The following SORL1 variants were observed in gnomAD, a reference collection of about 807,000 sequenced individuals.
SORL1 encodes the protein sortilin-related receptor.
Under a neutral mutation model 273.7 loss-of-function variants are expected in SORL1, and 127 were observed. The ratio of observed to expected loss-of-function variants is 0.46; its 90% CI spans 0.40 to 0.54. SORL1 has a LOEUF of 0.54. Among genes scored for constraint, SORL1 ranks in the 20% least tolerant of loss-of-function variants. SORL1 has a pLI of 0.00. For synonymous variants in SORL1, 1,031 were observed against 1,067.4 expected, an observed-to-expected ratio of 0.97 and a Z score of 0.66; for missense variants, 2,494 against 2,846.1, an observed-to-expected ratio of 0.88 and a Z score of 2.81.
chr11:121,463,550 A>G (rs149208646), intron 1 of SORL1, among the ~76,000 whole-genome samples: 2 of 152,282 alleles, frequency 1.3e-5, no homozygotes, highest in East Asian at 3.9e-4. Flanking sequence ...GCATATGTGT[A>G]TTTTTCTCTG....
intron 12 of SORL1, among the ~76,000 whole-genome samples, chr11:121,537,099 T>G (rs1862278162): frequency 6.6e-6 from 1 of 152,054 alleles, no homozygotes; most frequent in South Asian, 2.1e-4. Context: ...CAAAGCATGA[T>G]CAGTGGGGAA....
intron 40 of SORL1, chr11:121,614,437 ATT>A (rs1331230655): frequency 6.0e-6 from 1 of 165,700 alleles, no homozygotes; most frequent in Non-Finnish European, 1.3e-5. Context: ...AATGCACATT[ATT>A]TAATTATTAT....
Position 121,550,188 on chromosome 11 carries a change from A to G in SORL1, c.2180+100A>G. The stretch of plus-strand genomic sequence containing the variant: ...TGGATTGCTCTACACTCGAAATTCT[A>G]GAATTCCAAGTTAACAGCCTGCAAG... On this transcript the variant is annotated intron_variant, in intron 15 of 47. Transcript: ENST00000260197. This position sits in a 1 kb window ranked among gnomAD's most constrained non-coding sequence, Gnocchi z 5.3. 2 of 1,261,176 alleles carry G rather than the reference A, an allele frequency of 1.6e-6. No individual in the cohort carries two copies. The highest frequency in any genetic ancestry group is 2.2e-6 in the Non-Finnish European group (2 of 926,840). 78.1% of individuals were successfully genotyped at this position (1,261,176 alleles called of 1,614,324 possible). A position where few individuals can be genotyped will look rare whatever the true frequency, so the allele number is the denominator to read the frequency against.
intron 5 of SORL1, among the ~76,000 whole-genome samples, chr11:121,492,984 A>T (rs1861578167): frequency 6.7e-6 from 1 of 148,728 alleles, no homozygotes; most frequent in South Asian, 2.1e-4. Context: ...ATTTATTTTT[A>T]TTTTATATTT....
At chr11:121,518,127 C>T (rs1487113681) in intron 8 of SORL1, among the ~76,000 whole-genome samples, 1 of 152,140 alleles carries the variant, frequency 6.6e-6, no homozygotes, top group African/African-American at 2.4e-5. Context: ...ATGTCAGCCC[C>T]GTGGGTCACC....
intron 6 of SORL1, among the ~76,000 whole-genome samples, chr11:121,502,826 G>A (rs929108718): frequency 3.6e-4 from 54 of 152,016 alleles, no homozygotes; most frequent in African/African-American, 1.3e-3. Context: ...CCATTCCGTG[G>A]TTTATCTTTT....
chr11:121,510,503 C>T, intron 6 of SORL1, among the ~76,000 whole-genome samples: 1 of 152,150 alleles, frequency 6.6e-6, no homozygotes, highest in East Asian at 1.9e-4. Flanking sequence ...CCTTCAAGTC[C>T]TTATTGCAGT....
Position 121,488,116 on chromosome 11 carries a change from C to T in SORL1, c.613C>T (p.Arg205Trp), listed in dbSNP as rs765651736. The part of the protein sequence containing the change: ...NTLQGFSIPF[R>W]AADLLLHSKA... ...TCTTCAAGGCTTTTCCATCCCATTT[C>T]GGGCAGCTGATCTCCTCCTACACAG... The change falls in exon 4 of 48, where the codon CGG (arginine) becomes TGG (tryptophan). Residue 205 changes from arginine (R) to tryptophan (W), a missense_variant. Physicochemically the swap from Arg to Trp is moderately radical, Grantham distance 101. Coordinates refer to ENST00000260197, the MANE Select transcript of SORL1 (RefSeq NM_003105.6). The T allele has an allele frequency of 1.4e-5, 22 of 1,614,020 alleles. No individual in the cohort carries two copies. The Admixed American group carries it at 1.8e-4, about 13-fold the overall frequency.
chr11:121,459,968 C>G (rs949849473), intron 1 of SORL1, among the ~76,000 whole-genome samples: 8 of 152,174 alleles, frequency 5.3e-5, no homozygotes, highest in African/African-American at 9.7e-5. Flanking sequence ...AAATCAGGAC[C>G]CTTCACAATG....
intron 37 of SORL1, among the ~76,000 whole-genome samples, 172 bp downstream of exon 37, chr11:121,607,462 A>C (rs528434365): frequency 1.3e-5 from 2 of 152,194 alleles, no homozygotes; most frequent in Non-Finnish European, 2.9e-5. Flanking sequence ...CAGTCTCTTA[A>C]ATGGACACCA....
chr11:121,608,964 G>GT (rs1469486218), intron 38 of SORL1: 1 of 152,236 alleles, frequency 6.6e-6, no homozygotes, highest in Non-Finnish European at 1.5e-5. Context: ...GATCTGGTCT[G>GT]TTTTTCTCTA....
At chr11:121,624,941 T>A (rs1002254671) in intron 45 of SORL1, 144 bp from the exon 46 acceptor site, 6 of 548,160 alleles carry the variant, frequency 1.1e-5, no homozygotes, top group South Asian at 2.9e-5. Flanking sequence ...TCAGTGGTAA[T>A]GTAAAAAGAA....
rs531435268 is a variant in SORL1, at chr11:121,543,849, C to T, written c.1864+123C>T. On this transcript the variant is annotated intron_variant, in intron 13 of 47. Coordinates refer to ENST00000260197, the MANE Select transcript of SORL1 (RefSeq NM_003105.6). The stretch of plus-strand genomic sequence containing the variant: ...TGACATTCATTGGGGGAGATGGGCC[C>T]ATAAGAGTTAGCAAAAAGCATAGGG... The T allele has an allele frequency of 3.9e-5, 33 of 842,572 alleles. No homozygotes were observed. In the Admixed American group the frequency reaches 4.4e-4, roughly 11 times the overall value. The allele number at this position is 842,572 out of a possible 1,614,324, so 52.2% of individuals were successfully genotyped here.
At chr11:121,562,748 T>C (rs1281847661) in intron 21 of SORL1, among the ~76,000 whole-genome samples, 1 of 152,120 alleles carries the variant, frequency 6.6e-6, no homozygotes, top group East Asian at 1.9e-4. Flanking sequence ...GGGTGAAAGT[T>C]CTAGACTTAA....
chr11:121,500,150 G>C (rs1437091297), intron 6 of SORL1, among the ~76,000 whole-genome samples: 1 of 152,182 alleles, frequency 6.6e-6, no homozygotes, highest in East Asian at 1.9e-4. Flanking sequence ...AAACAATGAG[G>C]TTCCTCTGTG....
At chr11:121,486,948 C>T (rs145725562) in intron 3 of SORL1, among the ~76,000 whole-genome samples, 380 of 152,226 alleles carry the variant, frequency 2.5e-3, no homozygotes, top group African/African-American at 8.6e-3. Context: ...GGCAACAGAG[C>T]GAGACCTTGT....
At chr11:121,481,001 A>G (rs74462262) in intron 3 of SORL1, among the ~76,000 whole-genome samples, 184 of 48,598 alleles carry the variant, frequency 3.8e-3, no homozygotes, top group Admixed American at 5.0e-3. Flanking sequence ...CTCCCCTAGT[A>G]CACAGATACC....
At chr11:121,609,866 A>G (rs187931514) in intron 38 of SORL1, 71 of 152,296 alleles carry the variant, frequency 4.7e-4, no homozygotes, top group African/African-American at 1.6e-3. Flanking sequence ...CCTATGAGAT[A>G]AGTATCCTTA....
chr11:121,612,120 A>G (rs1198391947), intron 39 of SORL1: 2 of 152,516 alleles, frequency 1.3e-5, no homozygotes, highest in Non-Finnish European at 2.9e-5. Flanking sequence ...AGCCTGGGCA[A>G]CAGAGTGAGA....
Sources: allele counts gnomAD v4.1 joint callset (sites outside exome capture counted in the v4.1 genomes callset), GRCh38; gene constraint gnomAD v4.1.1; non-coding constraint Gnocchi (gnomAD v3.1); transcripts MANE v1.5; gene names NCBI Gene and HGNC (gene_info 2026-07-23, HGNC 2026-07-21).